AFF3: variants seen among roughly 807,000 people sequenced by gnomAD.
AFF3 encodes the protein ALF transcription elongation factor 3, also known as AF4/FMR2 family member 3.
A neutral mutation model predicts 129.7 loss-of-function variants in AFF3; 32 were observed. The ratio of observed to expected loss-of-function variants is 0.25; its 90% confidence interval spans 0.19 to 0.33. The LOEUF (loss-of-function observed/expected upper bound fraction) is 0.33, where lower values mean the gene tolerates loss of function less well. Ranked by LOEUF, AFF3 falls within the 10% of genes least tolerant of loss-of-function variation. AFF3 has a pLI of 1.00. For missense variants in AFF3, 1,373 were observed against 1,592.0 expected (o/e 0.86, Z 2.34); for synonymous variants, 644 against 635.4 (o/e 1.01, Z -0.20).
At chr2:99,998,218 T>C (rs1196250171) in intron 7 of AFF3, among the ~76,000 whole-genome samples, 5 of 152,068 alleles carry the variant, frequency 3.3e-5, no homozygotes, top group Admixed American at 1.3e-4. Context: ...CGCCAGCAAT[T>C]AAGAAATCCC....
intron 8 of AFF3, among the ~76,000 whole-genome samples, chr2:99,806,960 A>C (rs1686401731): frequency 1.3e-5 from 2 of 152,192 alleles, no homozygotes; most frequent in South Asian, 4.1e-4. Flanking sequence ...GTTTATCAGG[A>C]GTTGATCATG....
chr2:99,767,563 T>C (rs1250768018), intron 8 of AFF3, among the ~76,000 whole-genome samples: 1 of 152,312 alleles, frequency 6.6e-6, no homozygotes, highest in South Asian at 2.1e-4. Flanking sequence ...CTATGTAACA[T>C]CACACGTTGT....
At chr2:99,809,754 G>T (rs751087439) in intron 8 of AFF3, among the ~76,000 whole-genome samples, 89 of 152,202 alleles carry the variant, frequency 5.8e-4, no homozygotes, top group Admixed American at 3.3e-4. Flanking sequence ...ATCCCACTGC[G>T]CTGTATTTAT....
chr2:99,629,011 C>T (rs1482664694), intron 13 of AFF3, among the ~76,000 whole-genome samples: 1 of 150,754 alleles, frequency 6.6e-6, no homozygotes, highest in Non-Finnish European at 1.5e-5. Context: ...TGTGAGCTAC[C>T]GTGCTCAGCC....
intron 11 of AFF3, among the ~76,000 whole-genome samples, chr2:99,678,311 T>C (rs1674198362): frequency 6.6e-6 from 1 of 152,244 alleles, no homozygotes; most frequent in Non-Finnish European, 1.5e-5. Context: ...GATAAATTTA[T>C]GTTGTAGCTG....
In AFF3 at chr2:99,550,329, C is replaced by T. The variant is rs1007096386; in HGVS notation, c.*1145G>A. ...TTGCAAGCAGCCTGCTAATCAAAGC[C>T]TGAAAAATCGCCCCCAAATCAAAAC... On this transcript the variant is annotated 3_prime_UTR_variant, in exon 25 of 25. Transcript: ENST00000672756. The T allele has an allele frequency of 4.3e-6, 1 of 230,920 alleles. No individual in the cohort carries two copies. Among genetic ancestry groups the T allele is most frequent in the Non-Finnish European group, 8.6e-6 (1 of 116,694 alleles). The allele number at this position is 230,920 out of a possible 1,614,324, so 14.3% of individuals were successfully genotyped here.
At chr2:100,106,585 G>C in intron 2 of AFF3, 5 of 990,388 alleles carry the variant, frequency 5.0e-6, no homozygotes, top group Non-Finnish European at 6.0e-6. Flanking sequence ...GAGGGAGCAG[G>C]AACAGCCCCT....
chr2:99,941,680 T>C lies in AFF3; in HGVS notation c.873+64952A>G, dbSNP rs548836262. 3.3e-5 allele frequency among the ~76,000 whole-genome samples: 5 copies of C among 152,324 alleles called. No homozygotes were observed. The South Asian group carries it at 1.0e-3, about 32-fold the overall frequency. ...TTACAAAGCTTCCTAAGTGGGGACT[T>C]AGCTAAAACCCCTCTTCTGTCCTTC... is the stretch of plus-strand genomic sequence containing the variant. On this transcript the variant is annotated intron_variant, in intron 7 of 24. Coordinates refer to ENST00000672756, the MANE Select transcript of AFF3 (RefSeq NM_001386135.1).
At chr2:99,921,224 T>G (rs1202620152) in intron 7 of AFF3, among the ~76,000 whole-genome samples, 1 of 152,180 alleles carries the variant, frequency 6.6e-6, no homozygotes. Flanking sequence ...TCATTCTTTC[T>G]ATAACTCACA....
At chr2:99,742,223 A>T (rs1183935558) in intron 10 of AFF3, among the ~76,000 whole-genome samples, 3 of 152,140 alleles carry the variant, frequency 2.0e-5, no homozygotes, top group Non-Finnish European at 4.4e-5. Context: ...ATGTGCCTGT[A>T]GTCCTGGCTA....
chr2:99,784,912 T>C (rs1684680337), intron 8 of AFF3, among the ~76,000 whole-genome samples: 1 of 152,220 alleles, frequency 6.6e-6, no homozygotes, highest in Non-Finnish European at 1.5e-5. Context: ...TGTGTTCAGC[T>C]TCCTCTTTGC....
chr2:99,649,196 T>C (rs908870639), intron 13 of AFF3, among the ~76,000 whole-genome samples: 1 of 152,162 alleles, frequency 6.6e-6, no homozygotes, highest in Non-Finnish European at 1.5e-5. Context: ...TGTTGGGTTA[T>C]GTGCATAAAA....
intron 20 of AFF3, among the ~76,000 whole-genome samples, chr2:99,564,373 G>C (rs1575365224): frequency 6.6e-6 from 1 of 152,012 alleles, no homozygotes; most frequent in African/African-American, 2.4e-5. Flanking sequence ...ATCCGTTAGA[G>C]TAACTTTTAC....
In AFF3 at chr2:100,009,202, T is replaced by C. The variant is rs111671030; in HGVS notation, c.54-270A>G. ...TGAAAGAGGAACTGTTTAAGCAACT[T>C]TGACAGGAGAAGACTGAAAGTAATC... On this transcript the variant is annotated intron_variant, in intron 4 of 24. Coordinates refer to ENST00000672756, the MANE Select transcript of AFF3 (RefSeq NM_001386135.1). 1.9e-3 allele frequency among the ~76,000 whole-genome samples: 288 copies of C among 152,328 alleles called. 1 individual carries two copies. The highest frequency in any genetic ancestry group is 3.3e-3 in the South Asian group (16 of 4,830).
At chr2:99,556,964 G>C (rs185845008) in intron 22 of AFF3, among the ~76,000 whole-genome samples, 1 of 151,762 alleles carries the variant, frequency 6.6e-6, no homozygotes, top group Non-Finnish European at 1.5e-5. Flanking sequence ...TCAGTTATCA[G>C]GAATAAGTTC....
chr2:100,112,822 A>G (rs1373902473), intron 2 of AFF3, among the ~76,000 whole-genome samples: 1 of 150,084 alleles, frequency 6.7e-6, no homozygotes, highest in Non-Finnish European at 1.5e-5. Flanking sequence ...GCCCTGCTCC[A>G]CCACTATCTA....
intron 4 of AFF3, among the ~76,000 whole-genome samples, chr2:100,019,086 C>G (rs1336635756): frequency 6.6e-6 from 1 of 152,106 alleles, no homozygotes; most frequent in Non-Finnish European, 1.5e-5. Flanking sequence ...GGGCTGGTGC[C>G]TGAAGTCAGA....
chr2:99,691,056 T>C (rs1334463617), intron 11 of AFF3, among the ~76,000 whole-genome samples: 2 of 152,020 alleles, frequency 1.3e-5, no homozygotes, highest in Admixed American at 1.3e-4. Flanking sequence ...AGAGGACCAG[T>C]CACTTAGGAC....
intron 8 of AFF3, among the ~76,000 whole-genome samples, chr2:99,812,040 A>C (rs992603813): frequency 3.2e-4 from 49 of 152,228 alleles, no homozygotes; most frequent in Non-Finnish European, 2.4e-4. Flanking sequence ...AAATGTGCTC[A>C]TTCTAGGCAC....
Sources: allele counts gnomAD v4.1 joint callset (sites outside exome capture counted in the v4.1 genomes callset), GRCh38; gene constraint gnomAD v4.1.1; transcripts MANE v1.5; gene names NCBI Gene and HGNC (gene_info 2026-07-23, HGNC 2026-07-21).